The following TNIP2 variants were observed in gnomAD, a reference collection of about 807,000 sequenced individuals.
The protein encoded by TNIP2 is TNFAIP3 interacting protein 2.
A neutral mutation model predicts 43.7 loss-of-function variants in TNIP2; 30 were observed. That is an observed-to-expected ratio of 0.69 (90% CI 0.51 to 0.93). The LOEUF (loss-of-function observed/expected upper bound fraction) is 0.93, where lower values mean the gene tolerates loss of function less well. TNIP2 is among the 40% of genes least tolerant of loss of function. TNIP2 has a pLI of 0.00. For synonymous variants in TNIP2, 260 were observed against 254.6 expected (o/e 1.02, Z -0.20); for missense variants, 599 against 591.0 (o/e 1.01, Z -0.14).
intron 2 of TNIP2, among the ~76,000 whole-genome samples, chr4:2,746,655 C>T (rs1243139858): frequency 6.6e-6 from 1 of 152,272 alleles, no homozygotes; most frequent in Non-Finnish European, 1.5e-5. Context: ...TGCCACAGAA[C>T]ATCCCAGCGC....
At chr4:2,751,700 G>A (rs1157445897) in intron 1 of TNIP2, among the ~76,000 whole-genome samples, 1 of 151,968 alleles carries the variant, frequency 6.6e-6, no homozygotes, top group African/African-American at 2.4e-5. Flanking sequence ...TTAAGCCCAG[G>A]AGGTCAAGGC....
At position 2,742,221 on chromosome 4, in the gene TNIP2, G is replaced by T; in HGVS notation, c.*36C>A. 7.0e-7 allele frequency: 1 copy of T among 1,426,582 alleles called. No individual in the cohort carries two copies. The highest frequency in any genetic ancestry group is 9.2e-7 in the Non-Finnish European group (1 of 1,083,976). 88.4% of individuals were successfully genotyped at this position (1,426,582 alleles called of 1,614,324 possible). A position where few individuals can be genotyped will look rare whatever the true frequency, so the allele number is the denominator to read the frequency against. On this transcript the variant is annotated 3_prime_UTR_variant, in exon 6 of 6. Coordinates refer to ENST00000315423, the MANE Select transcript of TNIP2 (RefSeq NM_024309.4). ...CCCTGTCCCTGAGGGCAGCTGCACC[G>T]GGCCAGGAGGCCGCAAGGGCACGGG...
Position 2,745,552 on chromosome 4 carries a change from C to A in TNIP2, c.568-17G>T. 1.3e-6 allele frequency: 2 copies of A among 1,592,326 alleles called. No homozygotes were observed. The highest frequency in any genetic ancestry group is 1.7e-6 in the Non-Finnish European group (2 of 1,160,934). On this transcript the variant is annotated splice_polypyrimidine_tract_variant and intron_variant, in intron 2 of 5. Transcript: ENST00000315423. ...GTGTTCCGACTGCATGAGGAAGGGA[C>A]AGAGAGAAGACACTCTGTCACATAC...
Position 2,747,534 on chromosome 4 carries a change from C to G in TNIP2, c.567+121G>C, listed in dbSNP as rs574607749. 7.9e-6 allele frequency: 8 copies of G among 1,007,142 alleles called. No individual in the cohort carries two copies. In the East Asian group the frequency reaches 1.7e-4, roughly 21 times the overall value. The allele number at this position is 1,007,142 out of a possible 1,614,324, so 62.4% of individuals were successfully genotyped here. A position where few individuals can be genotyped will look rare whatever the true frequency, so the allele number is the denominator to read the frequency against. On this transcript the variant is annotated intron_variant, in intron 2 of 5. Transcript: ENST00000315423. ...GTGAGCTTTGCCCCGTCAGCTGACT[C>G]TCGTTACTGAGAACAGAAGTGGGTT...
chr4:2,744,840 C>T lies in TNIP2; in HGVS notation c.763G>A (p.Glu255Lys), dbSNP rs116412781. Residue 255 changes from glutamate to lysine, a missense_variant, in exon 4 of 6, where the codon GAG (glutamate) becomes AAG (lysine). Transcript: ENST00000315423. The surrounding 1 kb of genome is among the most constrained non-coding windows in gnomAD (Gnocchi z 5.1). ...CGGGAGATCTCCTTCCTCATCAGCT[C>T]GGGCTCGTGGGGGATCTGCAGCCCC... ...LRGLQIPHEP[E>K]LMRKEISRLN... is the part of the protein sequence containing the mutation. The T allele has an allele frequency of 0.025, 40,018 of 1,613,966 alleles. 599 individuals are homozygous for T. Among genetic ancestry groups the T allele is most frequent in the South Asian group, 0.046 (4,203 of 91,084 alleles).
rs201975749 is a variant in TNIP2 at position 2,756,048 on chromosome 4, T to C, written c.242A>G (p.Gln81Arg). The change falls in exon 1 of 6, where the codon CAG (glutamine) becomes CGG (arginine). Residue 81 changes from glutamine to arginine, a missense_variant. By Grantham distance (43) the Gln-to-Arg change is conservative. Coordinates refer to ENST00000315423, the MANE Select transcript of TNIP2 (RefSeq NM_024309.4). ...VARFREQLRR[Q>R]EGGAAEAQMR... ...CTGGGCCTCGGCGGCGCCGCCCTCC[T>C]GCCTTCGCAGCTGCTCCCGGAAGCG... The C allele has an allele frequency of 9.7e-4, 1,507 of 1,547,384 alleles. 4 individuals carry two copies. The highest frequency in any genetic ancestry group is 8.2e-3 in the African/African-American group (580 of 70,352).
Position 2,742,402 on chromosome 4 carries a change from T to A in TNIP2, c.1145A>T (p.Gln382Leu). 1 of 1,611,840 alleles carries A rather than the reference T, an allele frequency of 6.2e-7. No homozygotes were observed. Among genetic ancestry groups the A allele is most frequent in the East Asian group, 2.2e-5 (1 of 44,712 alleles). The change falls in exon 6 of 6, where the codon CAG becomes CTG. Residue 382 changes from glutamine to leucine, a missense_variant. By Grantham distance (113) the Gln-to-Leu change is moderately radical. Transcript: ENST00000315423. ...GCCCTCTGCAGGGGGTTCTGGCTGC[T>A]GGGACCCAGTCCCAGGCCTCCAGCC... Reference protein sequence around the residue: ...PGGWRPGTGSQQPEPPAEGGH... With the variant: ...PGGWRPGTGSLQPEPPAEGGH...
intron 1 of TNIP2, among the ~76,000 whole-genome samples, chr4:2,748,593 C>T (rs1208708887): frequency 2.6e-5 from 4 of 152,084 alleles, no homozygotes; most frequent in Non-Finnish European, 5.9e-5. Flanking sequence ...CCGCCTACCT[C>T]GGCATCCGCC....
intron 1 of TNIP2, among the ~76,000 whole-genome samples, chr4:2,749,520 G>A (rs1205538298): frequency 6.6e-6 from 1 of 152,204 alleles, no homozygotes; most frequent in Non-Finnish European, 1.5e-5. Flanking sequence ...ACAGAGAGAA[G>A]ACGACCACGT....
In TNIP2 at chr4:2,745,538, G is replaced by A; in HGVS notation, c.568-3C>T. The A allele has an allele frequency of 6.2e-7, 1 of 1,609,842 alleles. No homozygotes were observed. The highest frequency in any genetic ancestry group is 8.5e-7 in the Non-Finnish European group (1 of 1,176,344). The stretch of plus-strand genomic sequence containing the variant: ...GTGTGCCCATCTGTGTGTTCCGACT[G>A]CATGAGGAAGGGACAGAGAGAAGAC... On this transcript the variant is annotated splice_region_variant and splice_polypyrimidine_tract_variant and intron_variant, in intron 2 of 5. Transcript: ENST00000315423.
chr4:2,756,283 G>C lies in TNIP2; in HGVS notation c.7C>G (p.Arg3Gly). Residue 3 changes from arginine (R) to glycine (G), a missense_variant, in exon 1 of 6, where the codon CGG becomes GGG. Physicochemically the swap from Arg to Gly is moderately radical, Grantham distance 125. Transcript: ENST00000315423. ...TCCCAGCCGCCCGACCCCGGGTCCC[G>C]GGACATGGCTGTAGGCCCGCCCGGG... MS[R>G]DPGSGGWEEA... 2.2e-6 allele frequency: 3 copies of C among 1,391,888 alleles called. No homozygotes were observed. Among genetic ancestry groups the C allele is most frequent in the Non-Finnish European group, 2.8e-6 (3 of 1,076,350 alleles). 86.2% of individuals were successfully genotyped at this position (1,391,888 alleles called of 1,614,324 possible). A position where few individuals can be genotyped will look rare whatever the true frequency, so the allele number is the denominator to read the frequency against.
At chr4:2,751,810 G>A (rs554797383) in intron 1 of TNIP2, among the ~76,000 whole-genome samples, 2 of 150,672 alleles carry the variant, frequency 1.3e-5, no homozygotes, top group South Asian at 4.2e-4. Context: ...AAGAAAGAAA[G>A]GAACAAGGAA....
chr4:2,756,021 A>G lies in TNIP2; in HGVS notation c.269T>C (p.Met90Thr). Residue 90 changes from methionine to threonine, a missense_variant, in exon 1 of 6, where the codon ATG (methionine) becomes ACG (threonine). Transcript: ENST00000315423. ...RQEGGAAEAQ[M>T]RQEIERLTER... Reference sequence around the variant, plus strand: ...TGGTACCCGCCCTCGTACCTGGCGCATCTGGGCCTCGGCGGCGCCGCCCTC... The same window carrying G: ...TGGTACCCGCCCTCGTACCTGGCGCGTCTGGGCCTCGGCGGCGCCGCCCTC... 1 of 1,548,706 alleles carries G rather than the reference A, an allele frequency of 6.5e-7. No homozygotes were observed. Among genetic ancestry groups the G allele is most frequent in the Non-Finnish European group, 8.6e-7 (1 of 1,159,036 alleles).
In TNIP2 at chr4:2,742,004, G is replaced by GACC. The variant is rs1389397244; in HGVS notation, c.*252_*253insGGT. 2.7e-6 allele frequency: 1 copy of GACC among 366,308 alleles called. No homozygotes were observed. Among genetic ancestry groups the GACC allele is most frequent in the Non-Finnish European group, 4.9e-6 (1 of 205,338 alleles). The allele number at this position is 366,308 out of a possible 1,614,324, so 22.7% of individuals were successfully genotyped here. A position where few individuals can be genotyped will look rare whatever the true frequency, so the allele number is the denominator to read the frequency against. On this transcript the variant is annotated 3_prime_UTR_variant, in exon 6 of 6. Transcript: ENST00000315423. The stretch of plus-strand genomic sequence containing the variant: ...CTGGCTTAAGCCTGATGGAGACACA[G>GACC]ACTGGGACCTCCCTCTGCCAGATGT...
chr4:2,744,846 C>T lies in TNIP2; in HGVS notation c.757G>A (p.Glu253Lys). ...ATCTCCTTCCTCATCAGCTCGGGCT[C>T]GTGGGGGATCTGCAGCCCCCTGAGC... ...AQLRGLQIPHEPELMRKEISR... is the reference protein window; with the variant it reads ...AQLRGLQIPHKPELMRKEISR... The change falls in exon 4 of 6, where the codon GAG (glutamate) becomes AAG (lysine). Residue 253 changes from glutamate to lysine, a missense_variant. Glu to Lys is a moderately conservative substitution (Grantham distance 56, BLOSUM62 1). Coordinates refer to ENST00000315423, the MANE Select transcript of TNIP2 (RefSeq NM_024309.4). The surrounding 1 kb of genome is among the most constrained non-coding windows in gnomAD (Gnocchi z 5.1). 3 of 1,613,968 alleles carry T rather than the reference C, an allele frequency of 1.9e-6. No individual in the cohort carries two copies. Among genetic ancestry groups the T allele is most frequent in the Non-Finnish European group, 1.7e-6 (2 of 1,180,040 alleles).
rs1453730138 is a variant in TNIP2, at chr4:2,747,960, T to G, written c.277-15A>C. The G allele has an allele frequency of 2.1e-5, 34 of 1,606,954 alleles. No homozygotes were observed. Among genetic ancestry groups the G allele is most frequent in the Non-Finnish European group, 2.7e-5 (32 of 1,178,008 alleles). ...CTCTCAATTTCCTAAGTGGAAGATT[T>G]AAAAGCACAGTTTACTGAATTAAAA... On this transcript the variant is annotated splice_polypyrimidine_tract_variant and intron_variant, in intron 1 of 5. Transcript: ENST00000315423.
In TNIP2 at chr4:2,747,892, C is replaced by T; in HGVS notation, c.330G>A (p.Gln110=). ...GCTCGTGTTGGGGCTGGCTCAGCAG[C>T]TGCTGCATCTCCCTCTCTTTTTCTT... ...RLEEKEREMQ[Q]LLSQPQHERE... Residue 110 remains glutamine (Q), a synonymous_variant, in exon 2 of 6, where the codon CAG becomes CAA. Coordinates refer to ENST00000315423, the MANE Select transcript of TNIP2 (RefSeq NM_024309.4). 2 of 1,613,734 alleles carry T rather than the reference C, an allele frequency of 1.2e-6. No individual in the cohort carries two copies. Among genetic ancestry groups the T allele is most frequent in the African/African-American group, 1.3e-5 (1 of 75,084 alleles).
At position 2,745,334 on chromosome 4, in the gene TNIP2, T is replaced by A. The variant is rs113135482; in HGVS notation, c.657+112A>T. 1,151 of 792,300 alleles carry A rather than the reference T, an allele frequency of 1.5e-3. 7 individuals carry two copies. In the African/African-American group the frequency reaches 0.018, roughly 12 times the overall value. 49.1% of individuals were successfully genotyped at this position (792,300 alleles called of 1,614,324 possible). ...GTCTCTAGGGACTGTGTGTATCAAG[T>A]CCTAGTGGCCAGAGGGCGGGGGGCG... On this transcript the variant is annotated intron_variant, in intron 3 of 5. Transcript: ENST00000315423.
chr4:2,747,630 A>G (rs1396791252), intron 2 of TNIP2, 25 bp downstream of exon 2: 2 of 1,581,042 alleles, frequency 1.3e-6, no homozygotes, highest in Non-Finnish European at 1.7e-6. Flanking sequence ...GGTCTTCCCC[A>G]CACTCTGCTT....
Sources: gnomAD v4.1 joint callset for allele counts (sites outside exome capture counted in the v4.1 genomes callset) on GRCh38, gnomAD v4.1.1 for gene constraint, Gnocchi (gnomAD v3.1) non-coding constraint, MANE v1.5 for transcripts, NCBI Gene and HGNC (gene_info 2026-07-23, HGNC 2026-07-21) for gene names.